NLGN4X: variants seen among roughly 807,000 people sequenced by gnomAD.
NLGN4X encodes neuroligin-4, X-linked.
In NLGN4X, 3 loss-of-function variants were observed where a neutral mutation model predicts 40.3. The ratio of observed to expected loss-of-function variants is 0.07; its 90% CI spans 0.03 to 0.19. NLGN4X has a LOEUF of 0.19. NLGN4X is among the 10% of genes least tolerant of loss of function. NLGN4X has a pLI of 1.00. For synonymous variants in NLGN4X, 270 were observed against 306.8 expected, an observed-to-expected ratio of 0.88 and a Z score of 1.25; for missense variants, 382 against 708.3, an observed-to-expected ratio of 0.54 and a Z score of 5.23.
chrX:6,081,218 G>A (rs1327483862), intron 2 of NLGN4X, among the ~76,000 whole-genome samples: 1 of 111,823 alleles, frequency 8.9e-6, no homozygotes, highest in Non-Finnish European at 1.9e-5. Flanking sequence ...AGCCTAGGAG[G>A]TTGAGGCTGC....
chrX:6,222,059 T>C lies in NLGN4X; in HGVS notation c.-306+6482A>G, dbSNP rs148644487. Among the ~76,000 whole-genome samples, 3 of 111,664 alleles carry C rather than the reference T, an allele frequency of 2.7e-5. 1 individual carries two copies. Among genetic ancestry groups the C allele is most frequent in the African/African-American group, 9.8e-5 (3 of 30,748 alleles). ...TTTCTTTTTTAAAGGATCCAAAAAC[T>C]TACCAAGTAATGCAACTTGAAACAA... On this transcript the variant is annotated intron_variant, in intron 1 of 5. Transcript: ENST00000381095.
chrX:5,940,155 G>GA (rs373614079), intron 3 of NLGN4X, among the ~76,000 whole-genome samples: 147 of 99,940 alleles, frequency 1.5e-3, no homozygotes, highest in South Asian at 3.5e-3. Flanking sequence ...TTTCATCACG[G>GA]AAAAAAAAAA....
intron 3 of NLGN4X, among the ~76,000 whole-genome samples, chrX:5,978,288 CT>C (rs2035253837): frequency 5.3e-5 from 1 of 18,796 alleles, no homozygotes; most frequent in African/African-American, 3.8e-4. Context: ...TTCTTTCTTT[CT>C]TTCTTTCTTT....
chrX:6,125,100 T>C (rs143387188), intron 2 of NLGN4X, among the ~76,000 whole-genome samples: 1,498 of 112,451 alleles, frequency 0.013, 22 homozygotes, highest in African/African-American at 0.045. Context: ...ATAGTTCAAA[T>C]GTCACATGTG....
rs1324976407 is a variant in NLGN4X at position 5,891,433 on chromosome X, T to C, written c.*1384A>G. 8.4e-6 allele frequency: 2 copies of C among 238,542 alleles called. No individual in the cohort carries two copies. The highest frequency in any genetic ancestry group is 2.6e-4 in the East Asian group (2 of 7,732). 19.7% of individuals were successfully genotyped at this position (238,542 alleles called of 1,213,427 possible). A position where few individuals can be genotyped will look rare whatever the true frequency, so the allele number is the denominator to read the frequency against. On this transcript the variant is annotated 3_prime_UTR_variant, in exon 6 of 6. Coordinates refer to ENST00000381095, the MANE Select transcript of NLGN4X (RefSeq NM_181332.3). ...AAAAGATTTTTAAAAACCTGCTTAC[T>C]GATAAATAAGGGACCGAGTGCTTAA...
At chrX:6,117,357 A>C (rs1569247278) in intron 2 of NLGN4X, among the ~76,000 whole-genome samples, 1 of 110,524 alleles carries the variant, frequency 9.0e-6, no homozygotes, top group East Asian at 2.9e-4. Context: ...CTGGAAAAAA[A>C]CCCTCCAACC....
chrX:6,031,059 T>C (rs2036845777), intron 2 of NLGN4X, among the ~76,000 whole-genome samples: 1 of 112,172 alleles, frequency 8.9e-6, no homozygotes, highest in Non-Finnish European at 1.9e-5. Context: ...CTTGTGGAAG[T>C]AATAACCAGC....
intron 2 of NLGN4X, among the ~76,000 whole-genome samples, chrX:6,149,253 T>C (rs2040115170): frequency 8.9e-6 from 1 of 112,022 alleles, no homozygotes; most frequent in Non-Finnish European, 1.9e-5. Flanking sequence ...TTCTTTTTCA[T>C]GGGTGGTCTC....
intron 3 of NLGN4X, among the ~76,000 whole-genome samples, chrX:6,015,065 T>A (rs1287102120): frequency 8.9e-6 from 1 of 112,027 alleles, no homozygotes; most frequent in Non-Finnish European, 1.9e-5. Context: ...AATTTCTAAT[T>A]TAGCACCCTT....
intron 3 of NLGN4X, among the ~76,000 whole-genome samples, chrX:6,009,436 C>T (rs570691795): frequency 2.8e-4 from 31 of 112,027 alleles, no homozygotes; most frequent in African/African-American, 7.1e-4. Context: ...TCTTATTTTA[C>T]GTTTACTTTA....
chrX:6,123,894 A>C (rs2039483272), intron 2 of NLGN4X, among the ~76,000 whole-genome samples: 1 of 110,755 alleles, frequency 9.0e-6, no homozygotes, highest in Non-Finnish European at 1.9e-5. Context: ...ATATAAAATA[A>C]AATGTCAGAA....
chrX:6,125,633 A>C (rs2039527023), intron 2 of NLGN4X, among the ~76,000 whole-genome samples: 1 of 111,869 alleles, frequency 8.9e-6, no homozygotes, highest in South Asian at 3.7e-4. Context: ...AACTTTACGC[A>C]AAGAAATGAA....
At chrX:5,907,239 G>A (rs1316102327) in intron 4 of NLGN4X, among the ~76,000 whole-genome samples, 4 of 112,029 alleles carry the variant, frequency 3.6e-5, no homozygotes, top group Non-Finnish European at 7.5e-5. Flanking sequence ...GCAACCCAGG[G>A]CTGGATCTGC....
chrX:6,151,510 G>C lies in NLGN4X; in HGVS notation c.-44C>G, dbSNP rs775813710. ...CATCCACAGCTGTCCCAGTGATGTG[G>C]CTCCAAGGAGACAAAGCCCAGAGGC... On this transcript the variant is annotated 5_prime_UTR_variant, in exon 2 of 6. Transcript: ENST00000381095. The C allele has an allele frequency of 9.0e-7, 1 of 1,113,557 alleles. No individual in the cohort carries two copies. The highest frequency in any genetic ancestry group is 2.2e-5 in the Admixed American group (1 of 45,299). The allele number at this position is 1,113,557 out of a possible 1,213,427, so 91.8% of individuals were successfully genotyped here. A position where few individuals can be genotyped will look rare whatever the true frequency, so the allele number is the denominator to read the frequency against.
At chrX:6,003,074 G>T (rs966524364) in intron 3 of NLGN4X, among the ~76,000 whole-genome samples, 1 of 111,726 alleles carries the variant, frequency 9.0e-6, no homozygotes, top group Non-Finnish European at 1.9e-5. Flanking sequence ...ACGTCAGTCT[G>T]TTGCGGGATC....
In NLGN4X at chrX:5,890,279, T is replaced by C. The variant is rs1230708464; in HGVS notation, c.*2538A>G. On this transcript the variant is annotated 3_prime_UTR_variant, in exon 6 of 6. Coordinates refer to ENST00000381095, the MANE Select transcript of NLGN4X (RefSeq NM_181332.3). ...TTTTTTTTCTTTTTTCTCTTTTTTA[T>C]AGATAGCAAGTATATTTTTTCTCAT... is the stretch of plus-strand genomic sequence containing the variant. 1.8e-5 allele frequency: 3 copies of C among 168,000 alleles called. No individual in the cohort carries two copies. Among genetic ancestry groups the C allele is most frequent in the Non-Finnish European group, 3.3e-5 (3 of 91,410 alleles). 13.8% of individuals were successfully genotyped at this position (168,000 alleles called of 1,213,427 possible). A position where few individuals can be genotyped will look rare whatever the true frequency, so the allele number is the denominator to read the frequency against.
intron 1 of NLGN4X, among the ~76,000 whole-genome samples, chrX:6,227,507 G>GC (rs201760049): frequency 0.012 from 1,359 of 109,086 alleles, 26 homozygotes; most frequent in African/African-American, 0.043. Context: ...GCAGCTGCAA[G>GC]CCCCCCCGCG....
chrX:5,914,860 A>C (rs942361222), intron 3 of NLGN4X, among the ~76,000 whole-genome samples: 38 of 112,086 alleles, frequency 3.4e-4, no homozygotes, highest in African/African-American at 1.0e-3. Context: ...AATCAGTCAA[A>C]CAGATGCAAA....
intron 2 of NLGN4X, among the ~76,000 whole-genome samples, chrX:6,080,218 T>C (rs2038313700): frequency 9.0e-6 from 1 of 111,103 alleles, no homozygotes; most frequent in South Asian, 3.8e-4. Context: ...GTAGAAGTCA[T>C]ATGAAAATGA....
Sources: allele counts gnomAD v4.1 joint callset (sites outside exome capture counted in the v4.1 genomes callset), GRCh38; gene constraint gnomAD v4.1.1; transcripts MANE v1.5; gene names NCBI Gene and HGNC (gene_info 2026-07-23, HGNC 2026-07-21).